Variants in NXPE2 observed in about 807,000 individuals in gnomAD.
The protein encoded by NXPE2 is NXPE family member 2.
NXPE2 carries 34 observed loss-of-function variants against 34.4 expected under a neutral mutation model. The ratio of observed to expected loss-of-function variants is 0.99; its 90% CI spans 0.75 to 1.31. The LOEUF is 1.31. Ranked by LOEUF, NXPE2 falls within the 40% of genes most tolerant of loss-of-function variation. NXPE2 has a pLI of 0.00. For missense variants in NXPE2, 649 were observed against 672.5 expected, an observed-to-expected ratio of 0.97 and a Z score of 0.39; for synonymous variants, 235 against 231.3, an observed-to-expected ratio of 1.02 and a Z score of -0.15.
At chr11:114,799,096 GTT>G in the NXPE2 span, among the ~76,000 whole-genome samples, 5 of 152,128 alleles carry the variant, frequency 3.3e-5, no homozygotes, top group African/African-American at 1.2e-4. Context: ...TAATTTCAGT[GTT>G]TTTATTTTTA....
the NXPE2 span, among the ~76,000 whole-genome samples, chr11:114,712,718 C>T: frequency 6.6e-6 from 1 of 152,220 alleles, no homozygotes; most frequent in African/African-American, 2.4e-5. Context: ...ACGGAGGTTC[C>T]TCACAAATTA....
At chr11:114,470,341 A>T in the NXPE2 span, among the ~76,000 whole-genome samples, 1 of 152,202 alleles carries the variant, frequency 6.6e-6, no homozygotes, top group East Asian at 1.9e-4. Flanking sequence ...GTTACTCCAT[A>T]TCCTTGCCAA....
chr11:114,776,813 C>T, the NXPE2 span, among the ~76,000 whole-genome samples: 1 of 152,162 alleles, frequency 6.6e-6, no homozygotes, highest in Non-Finnish European at 1.5e-5. Flanking sequence ...CAGAGATTCC[C>T]ACACTTGTTT....
chr11:114,808,183 C>T, the NXPE2 span, among the ~76,000 whole-genome samples: 4 of 152,196 alleles, frequency 2.6e-5, no homozygotes, highest in Admixed American at 6.5e-5. Context: ...CTCTGGGACA[C>T]ATTCAAAGCA....
chr11:114,680,646 G>T (rs1950934457), intron 2 of NXPE2, among the ~76,000 whole-genome samples: 2 of 152,070 alleles, frequency 1.3e-5, no homozygotes, highest in Admixed American at 1.3e-4. Context: ...GGAGCCTTCT[G>T]CCCAGAATAC....
the NXPE2 span, among the ~76,000 whole-genome samples, chr11:114,468,875 A>G: frequency 6.6e-6 from 1 of 152,216 alleles, no homozygotes; most frequent in Admixed American, 6.5e-5. Context: ...TCCAGGCCAA[A>G]GGGAAATATG....
chr11:114,793,602 G>A, the NXPE2 span, among the ~76,000 whole-genome samples: 2 of 152,222 alleles, frequency 1.3e-5, no homozygotes, highest in African/African-American at 4.8e-5. Context: ...GAAGAGCAGA[G>A]CAGAGAAGAT....
the NXPE2 span, among the ~76,000 whole-genome samples, chr11:114,557,972 C>CTATT: frequency 3.3e-5 from 5 of 151,868 alleles, no homozygotes; most frequent in Non-Finnish European, 7.4e-5. Flanking sequence ...CATTTTCCTT[C>CTATT]TATTTCCCTA....
chr11:114,624,351 T>C, the NXPE2 span, among the ~76,000 whole-genome samples: 1 of 151,530 alleles, frequency 6.6e-6, no homozygotes, highest in Non-Finnish European at 1.5e-5. Flanking sequence ...TGGATAATAA[T>C]TATTGCCCCA....
chr11:114,506,564 C>T, the NXPE2 span, among the ~76,000 whole-genome samples: 1 of 152,110 alleles, frequency 6.6e-6, no homozygotes, highest in Non-Finnish European at 1.5e-5. Flanking sequence ...AATTAGAAAT[C>T]AAGACTAAGA....
At chr11:114,467,703 G>A in the NXPE2 span, among the ~76,000 whole-genome samples, 1 of 152,032 alleles carries the variant, frequency 6.6e-6, no homozygotes, top group Admixed American at 6.6e-5. Flanking sequence ...GGGAGGCGGA[G>A]GTAGGCAGAT....
chr11:114,510,225 T>A, the NXPE2 span, among the ~76,000 whole-genome samples: 1 of 152,182 alleles, frequency 6.6e-6, no homozygotes, highest in Admixed American at 6.5e-5. Context: ...AAATTTTCTT[T>A]TCCATTTTAT....
chr11:114,583,521 G>C, the NXPE2 span: 2 of 613,084 alleles, frequency 3.3e-6, no homozygotes, highest in African/African-American at 1.8e-5. Flanking sequence ...CACAGCAAGC[G>C]GATGCAGAGA....
chr11:114,501,907 A>G, the NXPE2 span, among the ~76,000 whole-genome samples: 1 of 152,174 alleles, frequency 6.6e-6, no homozygotes, highest in South Asian at 2.1e-4. Context: ...GCTTTGGGAA[A>G]TCTCTGTGCT....
the NXPE2 span, among the ~76,000 whole-genome samples, chr11:114,548,230 G>A: frequency 2.6e-5 from 4 of 152,058 alleles, no homozygotes; most frequent in Admixed American, 6.6e-5. Flanking sequence ...TTCACTTTAA[G>A]GATAGCCACA....
the NXPE2 span, among the ~76,000 whole-genome samples, chr11:114,812,805 G>A: frequency 2.0e-5 from 3 of 152,138 alleles, no homozygotes; most frequent in Non-Finnish European, 4.4e-5. Flanking sequence ...GGGGGAGAAG[G>A]TGGCAAGAGA....
chr11:114,481,309 A>C, the NXPE2 span, among the ~76,000 whole-genome samples: 3 of 152,174 alleles, frequency 2.0e-5, no homozygotes, highest in Non-Finnish European at 4.4e-5. Flanking sequence ...ACAGGTTTCA[A>C]AGTAAGCCTA....
chr11:114,516,713 C>T, the NXPE2 span, among the ~76,000 whole-genome samples: 36 of 152,190 alleles, frequency 2.4e-4, no homozygotes, highest in African/African-American at 7.0e-4. Context: ...AGGAGAGGAA[C>T]GGACACAAAG....
At chr11:114,524,365 G>C in the NXPE2 span, among the ~76,000 whole-genome samples, 3 of 152,180 alleles carry the variant, frequency 2.0e-5, no homozygotes, top group African/African-American at 7.2e-5. Context: ...TTCCTCAGAG[G>C]CCTTGCAGTC....
Sources: allele counts gnomAD v4.1 joint callset (sites outside exome capture counted in the v4.1 genomes callset), GRCh38; gene constraint gnomAD v4.1.1; transcripts MANE v1.5; gene names NCBI Gene and HGNC (gene_info 2026-07-23, HGNC 2026-07-21).